The following SANBR variants were observed in gnomAD, a reference collection of about 807,000 sequenced individuals.
SANBR encodes the protein SANT and BTB domain regulator of class switch recombination.
A neutral mutation model predicts 101.8 loss-of-function variants in SANBR; 77 were observed. That is an observed-to-expected ratio of 0.76 (90% confidence interval 0.63 to 0.91). The LOEUF (loss-of-function observed/expected upper bound fraction) is 0.91, where lower values mean the gene tolerates loss of function less well. Ranked by LOEUF, SANBR falls within the 40% of genes least tolerant of loss-of-function variation. The pLI is 0.00. For synonymous variants in SANBR, 279 were observed against 274.7 expected (o/e 1.02, Z -0.15); for missense variants, 875 against 853.0 (o/e 1.03, Z -0.32).
intron 8 of SANBR, among the ~76,000 whole-genome samples, chr2:61,085,624 C>T (rs1312148541): frequency 6.6e-6 from 1 of 152,014 alleles, no homozygotes; most frequent in East Asian, 1.9e-4. Context: ...AATTCTCCTG[C>T]CTCAGCCTCC....
In SANBR at chr2:61,122,827, G is replaced by A; in HGVS notation, c.*665G>A. ...TGCTTATCTATTGATCATCTGAGCT[G>A]GAATTACTGATTATTACTCTGTCCT... On this transcript the variant is annotated 3_prime_UTR_variant, in exon 22 of 22. Coordinates refer to ENST00000402291, the MANE Select transcript of SANBR (RefSeq NM_001129993.3). The A allele has an allele frequency of 1.0e-6, 1 of 985,272 alleles. No homozygotes were observed. Among genetic ancestry groups the A allele is most frequent in the Non-Finnish European group, 1.2e-6 (1 of 829,780 alleles). 61.0% of individuals were successfully genotyped at this position (985,272 alleles called of 1,614,324 possible).
intron 8 of SANBR, among the ~76,000 whole-genome samples, chr2:61,086,525 C>A (rs1682439560): frequency 6.6e-6 from 1 of 151,670 alleles, no homozygotes; most frequent in Non-Finnish European, 1.5e-5. Flanking sequence ...GAAGGAGGAG[C>A]CAGTGAAGTA....
In SANBR at chr2:61,092,493, T is replaced by TTC. The variant is rs1682813701; in HGVS notation, c.1118_1119insTC (p.Leu373PhefsTer9). The TTC allele has an allele frequency of 6.2e-7, 1 of 1,602,354 alleles. No individual in the cohort carries two copies. The highest frequency in any genetic ancestry group is 8.5e-7 in the Non-Finnish European group (1 of 1,174,816). The stretch of plus-strand genomic sequence containing the variant: ...AAGACATGGGATGTTCATGAGTATT[T>TTC]GAATAGTCTTTTCGAAGAATTAAAA... On this transcript the variant is annotated frameshift_variant, in exon 11 of 22. Transcript: ENST00000402291. LOFTEE classifies it high-confidence loss of function.
intron 16 of SANBR, among the ~76,000 whole-genome samples, chr2:61,112,082 A>T (rs1683854892): frequency 6.6e-6 from 1 of 152,118 alleles, no homozygotes; most frequent in South Asian, 2.1e-4. Context: ...AAATTACTAG[A>T]TCATATGGTA....
chr2:61,124,949 G>T (rs1332362920), downstream of SANBR, among the ~76,000 whole-genome samples: 1 of 149,520 alleles, frequency 6.7e-6, no homozygotes, highest in African/African-American at 2.6e-5. Flanking sequence ...AATATAAAAA[G>T]AAACCAAAAA....
chr2:61,093,265 C>T (rs1039525225), intron 11 of SANBR: 1 of 152,016 alleles, frequency 6.6e-6, no homozygotes, highest in African/African-American at 2.4e-5. Context: ...TATTTCCATT[C>T]CTGAAACAAT....
At chr2:61,072,733 TC>T (rs1194880981) in intron 4 of SANBR, among the ~76,000 whole-genome samples, 1 of 151,734 alleles carries the variant, frequency 6.6e-6, no homozygotes, top group African/African-American at 2.4e-5. Flanking sequence ...CTACGAATAT[TC>T]TTTTACTTTA....
chr2:61,133,942 G>A (rs544800821), intron 20 of SANBR, among the ~76,000 whole-genome samples: 1 of 152,286 alleles, frequency 6.6e-6, no homozygotes, highest in African/African-American at 2.4e-5. Context: ...TGTATGATAT[G>A]TGGATTATAT....
At chr2:61,104,278 C>A (rs952942070) in intron 13 of SANBR, among the ~76,000 whole-genome samples, 1 of 151,686 alleles carries the variant, frequency 6.6e-6, no homozygotes, top group African/African-American at 2.4e-5. Flanking sequence ...GTCAGGAGAT[C>A]GAGAGCATCC....
intron 6 of SANBR, among the ~76,000 whole-genome samples, chr2:61,078,545 C>G (rs535495053): frequency 8.6e-5 from 13 of 152,016 alleles, no homozygotes; most frequent in Middle Eastern, 3.4e-3. Context: ...CCTCAGCCTC[C>G]CGAGTAGCTG....
At chr2:61,100,262 G>T (rs778445697) in intron 12 of SANBR, among the ~76,000 whole-genome samples, 1 of 152,108 alleles carries the variant, frequency 6.6e-6, no homozygotes, top group Non-Finnish European at 1.5e-5. Context: ...GTGCCACCAT[G>T]CCTGGCTAAT....
At chr2:61,136,693 TGGGCGTGGGGGCTCATGC>T (rs1396943484) in intron 21 of SANBR, among the ~76,000 whole-genome samples, 1 of 144,958 alleles carries the variant, frequency 6.9e-6, no homozygotes, top group African/African-American at 2.6e-5. Context: ...GAGGCTAGGC[TGGGCGTGGGGGCTCATGC>T]CTGTAATCCC....
At chr2:61,081,868 C>T (rs891082195) in intron 7 of SANBR, among the ~76,000 whole-genome samples, 11 of 152,086 alleles carry the variant, frequency 7.2e-5, no homozygotes, top group Admixed American at 1.3e-4. Context: ...AGGCTGGTCT[C>T]GAACTCCTAA....
chr2:61,095,086 C>T (rs1573625704), intron 11 of SANBR, among the ~76,000 whole-genome samples: 1 of 152,176 alleles, frequency 6.6e-6, no homozygotes, highest in East Asian at 1.9e-4. Context: ...TGCCCCCCAT[C>T]TCAGTAGCAA....
At chr2:61,097,555 A>T (rs1352964130) in intron 11 of SANBR, 145 bp from the exon 12 acceptor site, 1 of 544,044 alleles carries the variant, frequency 1.8e-6, no homozygotes, top group East Asian at 3.1e-5. Flanking sequence ...CCTGGCAACC[A>T]CTAATCTACT....
chr2:61,117,593 G>T, intron 19 of SANBR, 53 bp downstream of exon 19: 1 of 1,442,516 alleles, frequency 6.9e-7, no homozygotes, highest in South Asian at 1.2e-5. Context: ...AGCAATGATT[G>T]GTGTGTGTTT....
chr2:61,104,461 G>A (rs1294350107), intron 13 of SANBR, among the ~76,000 whole-genome samples: 1 of 142,596 alleles, frequency 7.0e-6, no homozygotes, highest in East Asian at 2.0e-4. Flanking sequence ...CAGCCTGGGT[G>A]ACAGAGCAAA....
chr2:61,117,881 T>C lies in SANBR; in HGVS notation c.1940-147T>C, dbSNP rs1684150527. ...GTCATCTGCCACTTGCTAACTTAAA[T>C]TCTTCACAGATATATAGATGTATGT... is the stretch of plus-strand genomic sequence containing the variant. On this transcript the variant is annotated intron_variant, in intron 19 of 21. Coordinates refer to ENST00000402291, the MANE Select transcript of SANBR (RefSeq NM_001129993.3). 3 of 667,166 alleles carry C rather than the reference T, an allele frequency of 4.5e-6. No individual in the cohort carries two copies. The South Asian group carries it at 6.2e-5, about 14-fold the overall frequency. The allele number at this position is 667,166 out of a possible 1,614,324, so 41.3% of individuals were successfully genotyped here.
intron 20 of SANBR, among the ~76,000 whole-genome samples, chr2:61,129,471 T>C (rs1178805869): frequency 2.6e-5 from 4 of 151,506 alleles, no homozygotes; most frequent in Admixed American, 6.6e-5. Context: ...AAAAAAGTTA[T>C]TGAGGCTGAA....
Sources: allele counts gnomAD v4.1 joint callset (sites outside exome capture counted in the v4.1 genomes callset), GRCh38; gene constraint gnomAD v4.1.1; transcripts MANE v1.5; gene names NCBI Gene and HGNC (gene_info 2026-07-23, HGNC 2026-07-21).